Variants in DTX2 observed in about 807,000 individuals in gnomAD.
DTX2 encodes the protein deltex E3 ubiquitin ligase 2, also known as probable E3 ubiquitin-protein ligase DTX2.
Under a neutral mutation model 55.3 loss-of-function variants are expected in DTX2, and 29 were observed. The observed-to-expected ratio is 0.52, with a 90% CI of 0.39 to 0.71. The LOEUF is 0.71. DTX2 is among the 30% of genes least tolerant of loss of function. The pLI, the probability that DTX2 is intolerant of heterozygous loss-of-function variation, is 0.00. For synonymous variants in DTX2, 276 were observed against 340.4 expected (o/e 0.81, Z 2.08); for missense variants, 537 against 822.5 (o/e 0.65, Z 4.25).
At chr7:76,499,450 A>C (rs534726299) in intron 6 of DTX2, among the ~76,000 whole-genome samples, 36 of 151,854 alleles carry the variant, frequency 2.4e-4, no homozygotes, top group South Asian at 4.1e-4. Flanking sequence ...TGCAGTTGTG[A>C]GCCCTCAGGC....
chr7:76,480,556 C>T lies in DTX2; in HGVS notation c.47C>T (p.Pro16Leu). ...SPSLVQVYTS[P>L]AAVAVWEWQD... is the part of the protein sequence containing the mutation. The stretch of plus-strand genomic sequence containing the variant: ...TCCCTGGTGCAGGTGTACACCAGCC[C>T]CGCGGCTGTGGCCGTGTGGGAATGG... The change falls in exon 3 of 11, where the codon CCC becomes CTC. Residue 16 changes from proline (P) to leucine (L), a missense_variant. Around this residue, in one of 7 missense-constraint regions of DTX2, gnomAD observed 301 missense variants for 396.6 expected, o/e 0.76. Transcript: ENST00000430490. 2 of 1,612,300 alleles carry T rather than the reference C, an allele frequency of 1.2e-6. No individual in the cohort carries two copies. Among genetic ancestry groups the T allele is most frequent in the Non-Finnish European group, 1.7e-6 (2 of 1,179,926 alleles).
chr7:76,469,025 G>A (rs1160718524), intron 2 of DTX2, among the ~76,000 whole-genome samples: 3 of 120,906 alleles, frequency 2.5e-5, no homozygotes, highest in Admixed American at 1.7e-4. Flanking sequence ...TCAGCCTCCC[G>A]AAGTGCTGGG....
rs1638074 is a variant in DTX2 at position 76,482,743 on chromosome 7, C to T, written c.504C>T (p.Phe168=). 831,922 of 1,613,086 alleles carry T rather than the reference C, an allele frequency of 0.52. 217,245 individuals are homozygous for T. Among genetic ancestry groups the T allele is most frequent in the Middle Eastern group, 0.63 (3,802 of 6,050 alleles). ...THTQTNKTSS[F]CRSVRRQAGP... ...CGCAGACCAACAAGACTTCCAGCTTCTGCCGCAGCGTGCGGCGCCAAGCAG... is the reference window on the plus strand; with the variant it reads ...CGCAGACCAACAAGACTTCCAGCTTTTGCCGCAGCGTGCGGCGCCAAGCAG... Residue 168 remains phenylalanine, a synonymous_variant, in exon 4 of 11, where the codon TTC becomes TTT. Coordinates refer to ENST00000430490, the MANE Select transcript of DTX2 (RefSeq NM_001102594.3).
chr7:76,472,403 T>C (rs1383114951), intron 2 of DTX2, among the ~76,000 whole-genome samples: 1 of 133,980 alleles, frequency 7.5e-6, no homozygotes, highest in Admixed American at 7.6e-5. Flanking sequence ...CTCGGCTCAC[T>C]GCAACCTCCG....
At position 76,503,579 on chromosome 7, in the gene DTX2, G is replaced by A. The variant is rs1442196856; in HGVS notation, c.1543G>A (p.Gly515Ser). Residue 515 changes from glycine (G) to serine (S), a missense_variant, in exon 9 of 11, where the codon GGT becomes AGT. By Grantham distance (56) the Gly-to-Ser change is moderately conservative (BLOSUM62 0). Coordinates refer to ENST00000430490, the MANE Select transcript of DTX2 (RefSeq NM_001102594.3). ...TILIVYSIPHGIQGPEHPNPG... is the reference protein window; with the variant it reads ...TILIVYSIPHSIQGPEHPNPG... Reference sequence around the variant, plus strand: ...CCTCATAGTTTACAGCATTCCCCATGGTATCCAGGTGAGGGGCCTTCTTGA... The same window carrying A: ...CCTCATAGTTTACAGCATTCCCCATAGTATCCAGGTGAGGGGCCTTCTTGA... 1 of 1,610,958 alleles carries A rather than the reference G, an allele frequency of 6.2e-7. No individual in the cohort carries two copies. The highest frequency in any genetic ancestry group is 1.1e-5 in the South Asian group (1 of 90,992).
Position 76,480,760 on chromosome 7 carries a change from A to G in DTX2, c.251A>G (p.Gln84Arg). The part of the protein sequence containing the change: ...PYIIDLPSWT[Q>R]FRQDTGTMRA... ...ATTATTGACCTCCCCAGCTGGACCC[A>G]GTTCCGCCAGGACACCGGTAAGACG... is the stretch of plus-strand genomic sequence containing the variant. Residue 84 changes from glutamine (Q) to arginine (R), a missense_variant, in exon 3 of 11, where the codon CAG becomes CGG. Around this residue, in one of 7 missense-constraint regions of DTX2, gnomAD observed 301 missense variants for 396.6 expected, o/e 0.76. Coordinates refer to ENST00000430490, the MANE Select transcript of DTX2 (RefSeq NM_001102594.3). The G allele has an allele frequency of 6.2e-7, 1 of 1,606,420 alleles. No individual in the cohort carries two copies. The highest frequency in any genetic ancestry group is 8.5e-7 in the Non-Finnish European group (1 of 1,175,714).
In DTX2 at chr7:76,482,890, C is replaced by T. The variant is rs972265913; in HGVS notation, c.651C>T (p.Ser217=). Residue 217 remains serine (S), a synonymous_variant, in exon 4 of 11, where the codon TCC becomes TCT. Transcript: ENST00000430490. ...TGPVSGRYRH[S]MTNLPAYPVP... is the part of the protein sequence containing the mutation. The stretch of plus-strand genomic sequence containing the variant: ...CCGTGTCAGGCCGCTACCGCCACTC[C>T]ATGACCAACCTCCCTGCATACCCCG... 5.6e-6 allele frequency: 9 copies of T among 1,613,918 alleles called. No homozygotes were observed. In the East Asian group the frequency reaches 8.9e-5, roughly 16 times the overall value.
At chr7:76,498,523 A>G (rs1811191043) in intron 6 of DTX2, among the ~76,000 whole-genome samples, 1 of 101,586 alleles carries the variant, frequency 9.8e-6, no homozygotes, top group African/African-American at 4.7e-5. Context: ...TGGCTAATGG[A>G]AAGCTCCCTT....
chr7:76,499,478 C>A (rs2690625), intron 6 of DTX2, among the ~76,000 whole-genome samples: 1 of 151,972 alleles, frequency 6.6e-6, no homozygotes. Flanking sequence ...TCTCTGCAGC[C>A]CCTGAAGGCC....
At chr7:76,477,543 T>A (rs1175201069) in intron 2 of DTX2, among the ~76,000 whole-genome samples, 2 of 151,580 alleles carry the variant, frequency 1.3e-5, no homozygotes, top group African/African-American at 4.9e-5. Context: ...TTGGAGAGCT[T>A]AGATACTTCC....
chr7:76,501,667 A>C (rs1453201418), intron 7 of DTX2, among the ~76,000 whole-genome samples: 1 of 151,570 alleles, frequency 6.6e-6, no homozygotes, highest in Non-Finnish European at 1.5e-5. Flanking sequence ...CCTCGTTCAG[A>C]ACGTCCTCCT....
intron 2 of DTX2, chr7:76,472,156 G>A (rs77036139): frequency 6.6e-6 from 1 of 151,176 alleles, no homozygotes; most frequent in Non-Finnish European, 1.5e-5. Flanking sequence ...GCTCGGGGAT[G>A]GGGGGATGTG....
In DTX2 at chr7:76,482,678, C is replaced by A; in HGVS notation, c.439C>A (p.Pro147Thr). 1 of 1,613,776 alleles carries A rather than the reference C, an allele frequency of 6.2e-7. No individual in the cohort carries two copies. The highest frequency in any genetic ancestry group is 8.5e-7 in the Non-Finnish European group (1 of 1,179,768). ...GGGCAACCAGCTCGTGGACTTGGCC[C>A]CCCTGGGGTACAACTACACTGTCAA... ...ARGNQLVDLA[P>T]LGYNYTVNYT... is the part of the protein sequence containing the mutation. Residue 147 changes from proline to threonine, a missense_variant, in exon 4 of 11, where the codon CCC becomes ACC. Pro to Thr is a conservative substitution (Grantham distance 38). Around this residue, in one of 7 missense-constraint regions of DTX2, gnomAD observed 301 missense variants for 396.6 expected, o/e 0.76. Transcript: ENST00000430490.
chr7:76,482,099 G>C (rs541592800), intron 3 of DTX2, among the ~76,000 whole-genome samples: 16 of 152,178 alleles, frequency 1.1e-4, no homozygotes, highest in East Asian at 5.8e-4. Context: ...AGTCAACTGA[G>C]AAAGATAGCA....
chr7:76,475,334 C>G lies in DTX2; in HGVS notation c.-89-5087C>G, dbSNP rs529648883. ...CTCAAAAACAAAAACAAAAAAAACC[C>G]TTTGATCATTAAAAAGTTATATGAC... On this transcript the variant is annotated intron_variant, in intron 2 of 10. Transcript: ENST00000430490. 2.0e-5 allele frequency among the ~76,000 whole-genome samples: 3 copies of G among 151,696 alleles called. No homozygotes were observed. The South Asian group carries it at 6.3e-4, about 32-fold the overall frequency.
At position 76,505,289 on chromosome 7, in the gene DTX2, A is replaced by T; in HGVS notation, c.1642-85A>T. The stretch of plus-strand genomic sequence containing the variant: ...CCTGGGAGGGGCTGGGATGGGAAGA[A>T]CATGGTGCCAACCCGTGCCTGCTCA... On this transcript the variant is annotated intron_variant, in intron 10 of 10. Coordinates refer to ENST00000430490, the MANE Select transcript of DTX2 (RefSeq NM_001102594.3). This position sits in a 1 kb window ranked among gnomAD's most constrained non-coding sequence, Gnocchi z 4.4. The T allele has an allele frequency of 8.6e-7, 1 of 1,168,876 alleles. No homozygotes were observed. Among genetic ancestry groups the T allele is most frequent in the Non-Finnish European group, 1.2e-6 (1 of 820,372 alleles). 72.4% of individuals were successfully genotyped at this position (1,168,876 alleles called of 1,614,324 possible).
At chr7:76,464,435 TATTA>T (rs1249509750) in intron 2 of DTX2, among the ~76,000 whole-genome samples, 1 of 143,720 alleles carries the variant, frequency 7.0e-6, no homozygotes, top group East Asian at 2.0e-4. Context: ...AGGGTCATTT[TATTA>T]ATTATTTTTT....
intron 2 of DTX2, among the ~76,000 whole-genome samples, chr7:76,464,306 G>C (rs1257842854): frequency 1.3e-5 from 2 of 150,632 alleles, no homozygotes; most frequent in African/African-American, 4.9e-5. Flanking sequence ...CTGGGCTACT[G>C]TAAGTAGCTT....
At chr7:76,483,496 C>T (rs537695240) in intron 4 of DTX2, among the ~76,000 whole-genome samples, 5 of 152,344 alleles carry the variant, frequency 3.3e-5, no homozygotes, top group African/African-American at 1.2e-4. Context: ...TGTACACTGA[C>T]TCCCGCCTTG....
Sources: allele counts gnomAD v4.1 joint callset (sites outside exome capture counted in the v4.1 genomes callset), GRCh38; gene constraint gnomAD v4.1.1; regional missense constraint gnomAD v4.1.1; non-coding constraint Gnocchi (gnomAD v3.1); transcripts MANE v1.5; gene names NCBI Gene and HGNC (gene_info 2026-07-23, HGNC 2026-07-21).